LAMP2: variants seen among roughly 807,000 people sequenced by gnomAD.
The protein encoded by LAMP2 is lysosome associated membrane protein 2.
Under a neutral mutation model 25.6 loss-of-function variants are expected in LAMP2, and 4 were observed. The observed-to-expected ratio is 0.16, with a 90% CI of 0.08 to 0.36. LAMP2 has a LOEUF of 0.36. Among genes scored for constraint, LAMP2 ranks in the 10% least tolerant of loss-of-function variants. LAMP2 has a pLI of 1.00. For missense variants in LAMP2, 272 were observed against 301.4 expected (o/e 0.90, Z 0.72); for synonymous variants, 108 against 112.7 (o/e 0.96, Z 0.27).
chrX:120,428,468 C>T lies in LAMP2; in HGVS notation c.*2855G>A. 1 of 1,149,061 alleles carries T rather than the reference C, an allele frequency of 8.7e-7. No homozygotes were observed. Among genetic ancestry groups the T allele is most frequent in the African/African-American group, 1.8e-5 (1 of 54,087 alleles). 94.7% of individuals were successfully genotyped at this position (1,149,061 alleles called of 1,213,427 possible). A position where few individuals can be genotyped will look rare whatever the true frequency, so the allele number is the denominator to read the frequency against. ...CTTCTAATTGAAAAAAACAAACAAA[C>T]ACTAGATTTAACTGATTACACAGAC... is the stretch of plus-strand genomic sequence containing the variant. On this transcript the variant is annotated 3_prime_UTR_variant, in exon 9 of 9. Transcript: ENST00000200639.
At position 120,428,933 on chromosome X, in the gene LAMP2, T is replaced by C; in HGVS notation, c.*2390A>G. ...GACACTGGGTTAAGGAGCCATCATC[T>C]ACACTTAAAACCACTGCCTGTGTAT... is the stretch of plus-strand genomic sequence containing the variant. On this transcript the variant is annotated 3_prime_UTR_variant, in exon 9 of 9. Coordinates refer to ENST00000200639, the MANE Select transcript of LAMP2 (RefSeq NM_002294.3). 3 of 750,012 alleles carry C rather than the reference T, an allele frequency of 4.0e-6. No individual in the cohort carries two copies. Among genetic ancestry groups the C allele is most frequent in the Non-Finnish European group, 4.7e-6 (3 of 635,955 alleles). 61.8% of individuals were successfully genotyped at this position (750,012 alleles called of 1,213,427 possible).
chrX:120,448,729 T>C (rs2058608920), intron 4 of LAMP2, among the ~76,000 whole-genome samples: 1 of 112,829 alleles, frequency 8.9e-6, no homozygotes, highest in Non-Finnish European at 1.9e-5. Flanking sequence ...TTTTATCAGC[T>C]GAGAACAGTA....
At chrX:120,432,680 T>C (rs1280633593) in intron 8 of LAMP2, among the ~76,000 whole-genome samples, 1 of 111,854 alleles carries the variant, frequency 8.9e-6, no homozygotes, top group Non-Finnish European at 1.9e-5. Context: ...TAGATGCTGG[T>C]GCCATTCTAT....
chrX:120,442,352 G>A (rs1407582043), intron 7 of LAMP2, among the ~76,000 whole-genome samples: 5 of 109,683 alleles, frequency 4.6e-5, no homozygotes, highest in African/African-American at 1.7e-4. Flanking sequence ...TTCTATAGAT[G>A]TTTCTATAGT....
At chrX:120,447,776 G>GT (rs2058603712) in intron 5 of LAMP2, 65 bp downstream of exon 5, 1 of 950,686 alleles carries the variant, frequency 1.1e-6, no homozygotes, top group African/African-American at 1.9e-5. Context: ...TGGGCTGAAG[G>GT]TAGGATACGC....
At position 120,430,765 on chromosome X, in the gene LAMP2, C is replaced by G. The variant is rs1205641246; in HGVS notation, c.*558G>C. ...GAGAAATCAGCAAAAGTCACATAACCTTTAAAATGCTGATGGTCCTGAGGA... is the reference window on the plus strand; with the variant it reads ...GAGAAATCAGCAAAAGTCACATAACGTTTAAAATGCTGATGGTCCTGAGGA... On this transcript the variant is annotated 3_prime_UTR_variant, in exon 9 of 9. Coordinates refer to ENST00000200639, the MANE Select transcript of LAMP2 (RefSeq NM_002294.3). 4.0e-6 allele frequency: 3 copies of G among 752,626 alleles called. No homozygotes were observed. The African/African-American group carries it at 6.9e-5, about 17-fold the overall frequency. 62.0% of individuals were successfully genotyped at this position (752,626 alleles called of 1,213,427 possible).
intron 6 of LAMP2, 83 bp downstream of exon 6, chrX:120,446,221 AC>A: frequency 1.7e-5 from 14 of 838,958 alleles, no homozygotes; most frequent in Non-Finnish European, 2.3e-5. Flanking sequence ...AAAGCTAAAT[AC>A]CCCCCTCCCC....
intron 3 of LAMP2, among the ~76,000 whole-genome samples, chrX:120,452,902 T>A (rs1278316958): frequency 9.1e-6 from 1 of 110,260 alleles, no homozygotes; most frequent in Non-Finnish European, 1.9e-5. Flanking sequence ...GTTCAGGGAC[T>A]ATGTTCCATA....
intron 3 of LAMP2, among the ~76,000 whole-genome samples, chrX:120,453,605 C>T (rs185985500): frequency 8.9e-6 from 1 of 111,894 alleles, no homozygotes; most frequent in Admixed American, 9.4e-5. Context: ...GTCAGGATTT[C>T]GAGACCATCC....
At position 120,441,826 on chromosome X, in the gene LAMP2, T is replaced by G; in HGVS notation, c.997A>C (p.Lys333Gln). The change falls in exon 8 of 9, where the codon AAA (lysine) becomes CAA (glutamine). Residue 333 changes from lysine (K) to glutamine (Q), a missense_variant. Coordinates refer to ENST00000200639, the MANE Select transcript of LAMP2 (RefSeq NM_002294.3). ...APLGSSYMCNKEQTVSVSGAF... is the reference protein window; with the variant it reads ...APLGSSYMCNQEQTVSVSGAF... ...CCAGACACTGAAACAGTCTGCTCTT[T>G]GTTGCACATATAAGAACTTCCCAGG... 1 of 1,208,125 alleles carries G rather than the reference T, an allele frequency of 8.3e-7. No individual in the cohort carries two copies.
intron 8 of LAMP2, chrX:120,438,554 TG>T (rs778292937): frequency 1.3e-6 from 1 of 750,066 alleles, no homozygotes; most frequent in African/African-American, 2.3e-5. Context: ...TAAATACAAA[TG>T]TATTCAAAAG....
intron 3 of LAMP2, among the ~76,000 whole-genome samples, chrX:120,451,318 T>C (rs940332572): frequency 8.0e-5 from 9 of 112,277 alleles, no homozygotes; most frequent in African/African-American, 2.9e-4. Context: ...AATTAGTAGT[T>C]TTTTATTTTT....
chrX:120,445,284 A>C (rs1407326493), intron 6 of LAMP2, among the ~76,000 whole-genome samples: 3 of 112,451 alleles, frequency 2.7e-5, no homozygotes. Flanking sequence ...GAATTATTTG[A>C]ATGCTGGAAA....
At chrX:120,455,306 A>G in intron 3 of LAMP2, 51 bp downstream of exon 3, 2 of 977,780 alleles carry the variant, frequency 2.0e-6, no homozygotes, top group Non-Finnish European at 2.9e-6. Flanking sequence ...TTACATTTTT[A>G]TCATTAATAA....
chrX:120,467,519 C>G (rs1921590738), intron 1 of LAMP2, among the ~76,000 whole-genome samples: 1 of 112,022 alleles, frequency 8.9e-6, no homozygotes, highest in Middle Eastern at 4.6e-3. Flanking sequence ...CCTCTCACTG[C>G]TTTCTCAGAC....
intron 1 of LAMP2, among the ~76,000 whole-genome samples, chrX:120,467,090 C>T (rs1358332528): frequency 8.9e-6 from 1 of 112,368 alleles, no homozygotes; most frequent in African/African-American, 3.2e-5. Flanking sequence ...GATCCGCCCG[C>T]CTCAGCCTCC....
intron 1 of LAMP2, among the ~76,000 whole-genome samples, chrX:120,468,438 C>T (rs1921631422): frequency 1.8e-5 from 2 of 110,965 alleles, no homozygotes; most frequent in African/African-American, 6.6e-5. Context: ...GGAAATTGCC[C>T]CAGCTACCTT....
Position 120,429,740 on chromosome X carries a change from C to A in LAMP2, c.*1583G>T, listed in dbSNP as rs2058515114. 1.1e-5 allele frequency: 8 copies of A among 751,816 alleles called. No individual in the cohort carries two copies. The highest frequency in any genetic ancestry group is 1.3e-5 in the Non-Finnish European group (8 of 638,816). The allele number at this position is 751,816 out of a possible 1,213,427, so 62.0% of individuals were successfully genotyped here. A position where few individuals can be genotyped will look rare whatever the true frequency, so the allele number is the denominator to read the frequency against. On this transcript the variant is annotated 3_prime_UTR_variant, in exon 9 of 9. Coordinates refer to ENST00000200639, the MANE Select transcript of LAMP2 (RefSeq NM_002294.3). ...TTGAGTGACTAGATTTCATTAGGGG[C>A]AATTTTTATCAAAATGCTAGTAATA...
At chrX:120,455,850 A>G (rs1291240187) in intron 2 of LAMP2, among the ~76,000 whole-genome samples, 2 of 107,347 alleles carry the variant, frequency 1.9e-5, no homozygotes, top group Non-Finnish European at 3.9e-5. Context: ...GACCTTAACA[A>G]AAAGAAAATA....
Sources: allele counts gnomAD v4.1 joint callset (sites outside exome capture counted in the v4.1 genomes callset), GRCh38; gene constraint gnomAD v4.1.1; transcripts MANE v1.5; gene names NCBI Gene and HGNC (gene_info 2026-07-23, HGNC 2026-07-21).